CDH7: variants seen among roughly 807,000 people sequenced by gnomAD.
CDH7 encodes the protein cadherin 7.
Under a neutral mutation model 71.8 loss-of-function variants are expected in CDH7, and 25 were observed. The observed-to-expected ratio is 0.35, with a 90% CI of 0.25 to 0.49. The LOEUF (loss-of-function observed/expected upper bound fraction) is 0.49, where lower values mean the gene tolerates loss of function less well. Among genes scored for constraint, CDH7 ranks in the 20% least tolerant of loss-of-function variants. The pLI is 0.99. For missense variants in CDH7, 862 were observed against 974.6 expected, an observed-to-expected ratio of 0.88 and a Z score of 1.54; for synonymous variants, 381 against 363.8, an observed-to-expected ratio of 1.05 and a Z score of -0.54.
At chr18:65,781,866 C>CTTTCTTTCTTTCTTTCTT (rs762734965) in intron 2 of CDH7, among the ~76,000 whole-genome samples, 3 of 59,708 alleles carry the variant, frequency 5.0e-5, no homozygotes, top group South Asian at 7.0e-4. Flanking sequence ...TTCTTTCTTT[C>CTTTCTTTCTTTCTTTCTT]TCTCTCTCTC....
intron 2 of CDH7, among the ~76,000 whole-genome samples, chr18:65,781,590 A>G (rs574171089): frequency 1.3e-5 from 2 of 152,272 alleles, no homozygotes; most frequent in South Asian, 4.1e-4. Flanking sequence ...AATACAAAAC[A>G]TAATACATGT....
intron 1 of CDH7, among the ~76,000 whole-genome samples, chr18:65,756,206 A>T (rs549852956): frequency 6.6e-6 from 1 of 152,134 alleles, no homozygotes; most frequent in Admixed American, 6.5e-5. Context: ...TTTCCCCCCA[A>T]TAGCTCAACA....
rs71167149 is a variant in CDH7, at chr18:65,792,185, C to CTT, written c.211-17494_211-17493dup. Among the ~76,000 whole-genome samples the CTT allele has an allele frequency of 3.5e-3, 362 of 104,084 alleles. 7 individuals are homozygous for CTT. The highest frequency in any genetic ancestry group is 0.016 in the East Asian group (53 of 3,240). 68.3% of individuals were successfully genotyped at this position (104,084 alleles called of 152,430 possible). A position where few individuals can be genotyped will look rare whatever the true frequency, so the allele number is the denominator to read the frequency against. On this transcript the variant is annotated intron_variant, in intron 2 of 11. Transcript: ENST00000397968. ...CCCCAGAATGTCTGCTGCAGCCAGT[C>CTT]TTTTTTTTTTTTTTTTTTTTTTTTT...
chr18:65,864,830 G>A (rs1039052553), intron 11 of CDH7, among the ~76,000 whole-genome samples: 3 of 149,728 alleles, frequency 2.0e-5, no homozygotes, highest in African/African-American at 7.5e-5. Context: ...GGCGGAGCTG[G>A]CAGTGAGCCG....
intron 11 of CDH7, among the ~76,000 whole-genome samples, chr18:65,868,729 A>T (rs80334414): frequency 0.017 from 2,603 of 152,322 alleles, 22 homozygotes; most frequent in Middle Eastern, 0.034. Flanking sequence ...CCAAAATCTA[A>T]TACACAAATT....
intron 11 of CDH7, among the ~76,000 whole-genome samples, chr18:65,864,333 C>G (rs1284155844): frequency 6.6e-6 from 1 of 151,752 alleles, no homozygotes; most frequent in African/African-American, 2.4e-5. Flanking sequence ...TGGCCCGACA[C>G]AAATTCTTAA....
intron 1 of CDH7, among the ~76,000 whole-genome samples, chr18:65,753,676 G>C: frequency 6.6e-6 from 1 of 152,146 alleles, no homozygotes; most frequent in Non-Finnish European, 1.5e-5. Flanking sequence ...TCAGAGTCTT[G>C]TGTGTGACCA....
chr18:65,869,519 T>A (rs1055565156), intron 11 of CDH7, among the ~76,000 whole-genome samples: 1 of 150,734 alleles, frequency 6.6e-6, no homozygotes, highest in Non-Finnish European at 1.5e-5. Flanking sequence ...CTGGAATGCC[T>A]CTTCCCATAA....
chr18:65,753,250 A>G (rs1475097092), intron 1 of CDH7, among the ~76,000 whole-genome samples: 1 of 152,196 alleles, frequency 6.6e-6, no homozygotes, highest in East Asian at 1.9e-4. Context: ...CTCAGAGTGT[A>G]TACTGATATA....
intron 2 of CDH7, among the ~76,000 whole-genome samples, chr18:65,804,712 G>GTGTGTGTGTGTA (rs1329326438): frequency 2.6e-5 from 4 of 151,552 alleles, no homozygotes; most frequent in African/African-American, 9.7e-5. Flanking sequence ...GTGTGTGTGT[G>GTGTGTGTGTGTA]TGTGTGTGTG....
chr18:65,878,186 C>T (rs960669432), intron 11 of CDH7, among the ~76,000 whole-genome samples: 1 of 152,118 alleles, frequency 6.6e-6, no homozygotes, highest in Non-Finnish European at 1.5e-5. Context: ...CCCATTTAAT[C>T]TTTGGTACAT....
chr18:65,835,849 G>A (rs1912514370), intron 6 of CDH7, among the ~76,000 whole-genome samples: 1 of 152,224 alleles, frequency 6.6e-6, no homozygotes, highest in East Asian at 1.9e-4. Flanking sequence ...CAGAATATGT[G>A]AACGTTTTAC....
In CDH7 at chr18:65,809,700, C is replaced by A; in HGVS notation, c.211-4C>A. On this transcript the variant is annotated splice_polypyrimidine_tract_variant and splice_region_variant and intron_variant, in intron 2 of 11. Transcript: ENST00000397968. The stretch of plus-strand genomic sequence containing the variant: ...AATCTCATCTCACATGAATTTTTCA[C>A]CAGCTTCACTCTGATGTTGATAAAG... 1 of 1,606,698 alleles carries A rather than the reference C, an allele frequency of 6.2e-7. No individual in the cohort carries two copies. The highest frequency in any genetic ancestry group is 1.1e-5 in the South Asian group (1 of 90,872).
intron 11 of CDH7, among the ~76,000 whole-genome samples, chr18:65,879,910 G>A (rs1310566448): frequency 6.6e-6 from 1 of 152,182 alleles, no homozygotes; most frequent in Admixed American, 6.5e-5. Context: ...TTATTTAACA[G>A]TTGACTTTCA....
At chr18:65,819,815 T>C (rs1234790619) in intron 4 of CDH7, among the ~76,000 whole-genome samples, 1 of 151,394 alleles carries the variant, frequency 6.6e-6, no homozygotes, top group Non-Finnish European at 1.5e-5. Flanking sequence ...TCCTAAAGGG[T>C]TGAGCCCTCA....
At chr18:65,867,600 T>A (rs1913804030) in intron 11 of CDH7, among the ~76,000 whole-genome samples, 1 of 152,228 alleles carries the variant, frequency 6.6e-6, no homozygotes, top group Non-Finnish European at 1.5e-5. Context: ...ACTCCTATTC[T>A]TAAAATATTA....
chr18:65,874,048 A>G (rs1019050378), intron 11 of CDH7, among the ~76,000 whole-genome samples: 4 of 152,140 alleles, frequency 2.6e-5, no homozygotes, highest in Admixed American at 2.6e-4. Context: ...CATACTTACT[A>G]TCATGTATTA....
chr18:65,793,182 G>A (rs1381879129), intron 2 of CDH7, among the ~76,000 whole-genome samples: 1 of 152,100 alleles, frequency 6.6e-6, no homozygotes, highest in East Asian at 1.9e-4. Flanking sequence ...GCTCACACCT[G>A]TAATCTCAGC....
chr18:65,763,843 T>C (rs1916276423), intron 2 of CDH7, among the ~76,000 whole-genome samples: 1 of 152,102 alleles, frequency 6.6e-6, no homozygotes, highest in Non-Finnish European at 1.5e-5. Flanking sequence ...CAAAAGGTGC[T>C]TCTAGAAAGC....
Sources: allele counts gnomAD v4.1 joint callset (sites outside exome capture counted in the v4.1 genomes callset), GRCh38; gene constraint gnomAD v4.1.1; transcripts MANE v1.5; gene names NCBI Gene and HGNC (gene_info 2026-07-23, HGNC 2026-07-21).